SYNE2: variants seen among roughly 807,000 people sequenced by gnomAD.
SYNE2 encodes spectrin repeat containing nuclear envelope protein 2, also known as nesprin-2.
SYNE2 carries 431 observed loss-of-function variants against 856.3 expected under a neutral mutation model. That is an observed-to-expected ratio of 0.50 (90% CI 0.47 to 0.55). The LOEUF is 0.55. SYNE2 is among the 20% of genes least tolerant of loss of function. The probability of loss-of-function intolerance (pLI) is 0.00; values close to 1 mark genes in which losing one functional copy is unlikely to be tolerated. For missense variants in SYNE2, 8,129 were observed against 8,023.2 expected (o/e 1.01, Z -0.50); for synonymous variants, 2,923 against 2,872.3 (o/e 1.02, Z -0.56).
chr14:64,167,669 C>T (rs563181344), intron 92 of SYNE2, 30 bp downstream of exon 92: 1 of 1,614,002 alleles, frequency 6.2e-7, no homozygotes, highest in Non-Finnish European at 8.5e-7. Context: ...CACCCTTGAA[C>T]CGCTCATCTG....
chr14:63,813,367 A>T (rs780815071), intron 1 of SYNE2, among the ~76,000 whole-genome samples: 7 of 152,230 alleles, frequency 4.6e-5, no homozygotes, highest in Non-Finnish European at 7.3e-5. Context: ...ATTGTCTTTG[A>T]GGTTTTATTA....
chr14:64,106,542 G>C (rs994546155), intron 64 of SYNE2, among the ~76,000 whole-genome samples: 1 of 152,046 alleles, frequency 6.6e-6, no homozygotes, highest in East Asian at 1.9e-4. Flanking sequence ...CCAGCTACTC[G>C]GGAGGCTGAG....
chr14:64,220,514 C>T lies in SYNE2; in HGVS notation c.19938C>T (p.Thr6646=), dbSNP rs765762035. The change falls in exon 111 of 116, where the codon ACC becomes ACT. Residue 6646 remains threonine (T), a synonymous_variant. Transcript: ENST00000555002. ...TGAGCAGCAAGGAATTTCTGCAAAC[C>T]GAGAGCCCCGAATCCACAGAGCTCC... is the stretch of plus-strand genomic sequence containing the variant. The part of the protein sequence containing the change: ...VNVSSKEFLQ[T]ESPESTELQS... 40 of 1,614,028 alleles carry T rather than the reference C, an allele frequency of 2.5e-5. No individual in the cohort carries two copies. The highest frequency in any genetic ancestry group is 6.7e-5 in the African/African-American group (5 of 74,904).
chr14:63,794,324 G>C (rs1887843514), intron 1 of SYNE2, among the ~76,000 whole-genome samples: 2 of 152,024 alleles, frequency 1.3e-5, no homozygotes, highest in Non-Finnish European at 2.9e-5. Flanking sequence ...TGAGTAGCTG[G>C]GATTACAGGC....
intron 38 of SYNE2, 111 bp from the exon 39 acceptor site, chr14:64,024,146 T>C (rs942060490): frequency 2.3e-6 from 2 of 851,114 alleles, no homozygotes; most frequent in South Asian, 2.8e-5. Context: ...TCGTATAGGA[T>C]CTTAAGAAGG....
chr14:63,820,802 T>C (rs1415464407), intron 1 of SYNE2, among the ~76,000 whole-genome samples: 3 of 151,482 alleles, frequency 2.0e-5, no homozygotes, highest in Non-Finnish European at 4.4e-5. Context: ...CAGGCTGTAG[T>C]GCAGCAGCAC....
chr14:64,148,186 A>G (rs190078609), intron 84 of SYNE2, among the ~76,000 whole-genome samples: 6 of 152,210 alleles, frequency 3.9e-5, no homozygotes, highest in Admixed American at 3.9e-4. Flanking sequence ...ATGGTGGTGC[A>G]TGCCTGTAGT....
chr14:63,789,774 CAA>C (rs34875863), intron 1 of SYNE2, among the ~76,000 whole-genome samples: 14 of 121,738 alleles, frequency 1.2e-4, no homozygotes, highest in Admixed American at 1.7e-4. Context: ...AGACTTGTCT[CAA>C]AAAAAAAAAA....
rs374109294 is a variant in SYNE2, at chr14:63,819,694, G to A, written c.-304-32807G>A. Among the ~76,000 whole-genome samples, 23 of 152,020 alleles carry A rather than the reference G, an allele frequency of 1.5e-4. No individual in the cohort carries two copies. In the South Asian group the frequency reaches 4.4e-3, roughly 29 times the overall value. On this transcript the variant is annotated intron_variant, in intron 1 of 23. Coordinates refer to the SYNE2 transcript ENST00000674003. ...TGGGACTACAGGCGCCCGCCACCAT[G>A]CCTGGCTAATTTTTTATATTTTTAG...
chr14:63,987,640 A>T (rs768106973), intron 19 of SYNE2, among the ~76,000 whole-genome samples: 10 of 152,190 alleles, frequency 6.6e-5, no homozygotes, highest in Non-Finnish European at 1.3e-4. Context: ...TGCTTTGAAA[A>T]TATTATATAA....
chr14:63,876,943 C>G (rs1028513987), intron 1 of SYNE2, among the ~76,000 whole-genome samples: 1 of 152,136 alleles, frequency 6.6e-6, no homozygotes, highest in Non-Finnish European at 1.5e-5. Flanking sequence ...TCCAACAGAC[C>G]TGTTATTGAG....
intron 1 of SYNE2, among the ~76,000 whole-genome samples, chr14:63,786,961 C>T (rs1303587981): frequency 6.6e-6 from 1 of 152,044 alleles, no homozygotes; most frequent in African/African-American, 2.4e-5. Flanking sequence ...CAGGGTTTCG[C>T]CATGTTGCCC....
intron 66 of SYNE2, among the ~76,000 whole-genome samples, chr14:64,116,681 G>A (rs1309859494): frequency 2.0e-5 from 3 of 152,192 alleles, no homozygotes; most frequent in African/African-American, 7.2e-5. Context: ...CTCCCAAAGT[G>A]CCGAGATTAC....
chr14:64,179,942 A>G (rs1316433463), intron 96 of SYNE2, among the ~76,000 whole-genome samples: 1 of 152,212 alleles, frequency 6.6e-6, no homozygotes, highest in African/African-American at 2.4e-5. Context: ...TTCCTTTGCA[A>G]AATCTTCATA....
Position 63,990,124 on chromosome 14 carries a change from TTTA to T in SYNE2, c.2314-283_2314-281del, listed in dbSNP as rs1170030035. Among the ~76,000 whole-genome samples the T allele has an allele frequency of 2.0e-5, 3 of 152,358 alleles. No homozygotes were observed. In the East Asian group the frequency reaches 5.8e-4, roughly 29 times the overall value. On this transcript the variant is annotated intron_variant, in intron 19 of 115. Transcript: ENST00000555002. Reference sequence around the variant, plus strand: ...GACATAGAACAAGATCATTTTAATATTTATTACCATTGTCTCAAGTTTCTTTCT... The same window carrying T: ...GACATAGAACAAGATCATTTTAATATTTACCATTGTCTCAAGTTTCTTTCT...
At chr14:64,033,704 AG>A (rs573280439) in intron 45 of SYNE2, among the ~76,000 whole-genome samples, 26 of 152,240 alleles carry the variant, frequency 1.7e-4, no homozygotes, top group African/African-American at 5.8e-4. Flanking sequence ...AGAAAAAAAA[AG>A]GTTTAAAAAA....
At chr14:64,089,416 ATTAT>A (rs962981883) in intron 58 of SYNE2, among the ~76,000 whole-genome samples, 154 bp from the exon 59 acceptor site, 5 of 149,646 alleles carry the variant, frequency 3.3e-5, no homozygotes, top group East Asian at 1.9e-4. Context: ...AATGGTGAAC[ATTAT>A]TTATTTATCT....
Position 64,090,877 on chromosome 14 carries a change from A to T in SYNE2, c.11805A>T (p.Glu3935Asp), listed in dbSNP as rs2097606426. ...EHLKHGEVIL[E>D]NIRPMKKTIA... The stretch of plus-strand genomic sequence containing the variant: ...CTTATATAATTAAGGTCATACTTGA[A>T]AATATACGTCCCATGAAGAAAACCA... Residue 3935 changes from glutamate to aspartate, a missense_variant, in exon 60 of 116, where the codon GAA (glutamate) becomes GAT (aspartate). Glu to Asp is a conservative substitution (Grantham distance 45). Transcript: ENST00000555002. The T allele has an allele frequency of 6.2e-7, 1 of 1,613,890 alleles. No individual in the cohort carries two copies. The highest frequency in any genetic ancestry group is 8.5e-7 in the Non-Finnish European group (1 of 1,179,934).
intron 1 of SYNE2, among the ~76,000 whole-genome samples, chr14:63,857,213 T>C (rs1892038654): frequency 6.6e-6 from 1 of 152,246 alleles, no homozygotes; most frequent in African/African-American, 2.4e-5. Context: ...TTTTTTAGAA[T>C]GTTATGTAAA....
Sources: allele counts gnomAD v4.1 joint callset (sites outside exome capture counted in the v4.1 genomes callset), GRCh38; gene constraint gnomAD v4.1.1; transcripts MANE v1.5; gene names NCBI Gene and HGNC (gene_info 2026-07-23, HGNC 2026-07-21).